Variants in SDF4 observed in about 807,000 individuals in gnomAD.
SDF4 encodes the protein 45 kDa calcium-binding protein.
SDF4 carries 22 observed loss-of-function variants against 34.2 expected under a neutral mutation model. The observed-to-expected ratio is 0.64, with a 90% confidence interval of 0.46 to 0.92. The LOEUF (loss-of-function observed/expected upper bound fraction) is 0.92. Among genes scored for constraint, SDF4 ranks in the 40% least tolerant of loss-of-function variants. SDF4 has a pLI of 0.00. For synonymous variants in SDF4, 236 were observed against 203.1 expected (o/e 1.16, Z -1.38); for missense variants, 447 against 499.9 (o/e 0.89, Z 1.01).
At position 1,217,343 on chromosome 1, in the gene SDF4, T is replaced by C; in HGVS notation, c.*169A>G. The stretch of plus-strand genomic sequence containing the variant: ...CGTCACAGCCAAAGCCCCGCCGGGG[T>C]GCGCGCTGCAGAGGGGACACGCCGC... On this transcript the variant is annotated 3_prime_UTR_variant, in exon 7 of 7. Transcript: ENST00000360001. This position sits in a 1 kb window ranked among gnomAD's most constrained non-coding sequence, Gnocchi z 8.5. 2.4e-6 allele frequency: 1 copy of C among 418,314 alleles called. No individual in the cohort carries two copies. Among genetic ancestry groups the C allele is most frequent in the Non-Finnish European group, 3.7e-6 (1 of 273,084 alleles). 25.9% of individuals were successfully genotyped at this position (418,314 alleles called of 1,614,324 possible). A position where few individuals can be genotyped will look rare whatever the true frequency, so the allele number is the denominator to read the frequency against.
At chr1:1,223,595 A>C (rs74808088) in intron 3 of SDF4, among the ~76,000 whole-genome samples, 17,431 of 152,236 alleles carry the variant, frequency 0.11, 1,139 homozygotes, top group East Asian at 0.17. Context: ...CCCCGAAGAC[A>C]TAAGAGGCGC....
In SDF4 at chr1:1,225,070, CAGG is replaced by C. The variant is rs1235445629; in HGVS notation, c.306-1105_306-1103del. On this transcript the variant is annotated intron_variant, in intron 2 of 6. Transcript: ENST00000360001. ...GACACGGGGCCAGCGCAGGCCAGGT[CAGG>C]AGGCCACAGGCCCCAGGACAGGTCA... is the stretch of plus-strand genomic sequence containing the variant. Among the ~76,000 whole-genome samples, 4 of 152,298 alleles carry C rather than the reference CAGG, an allele frequency of 2.6e-5. No homozygotes were observed. The East Asian group carries it at 7.7e-4, about 29-fold the overall frequency.
intron 2 of SDF4, among the ~76,000 whole-genome samples, chr1:1,224,239 C>T (rs1570484167): frequency 6.6e-6 from 1 of 152,180 alleles, no homozygotes; most frequent in South Asian, 2.1e-4. Flanking sequence ...CACCACCAGA[C>T]CCCACTCTCC....
chr1:1,228,362 G>A, intron 2 of SDF4, 106 bp downstream of exon 2: 1 of 1,278,904 alleles, frequency 7.8e-7, no homozygotes, highest in Non-Finnish European at 1.1e-6. Flanking sequence ...AGCCCGGCAG[G>A]TCCCGACACA....
Position 1,223,250 on chromosome 1 carries a change from C to G in SDF4, c.550G>C (p.Glu184Gln). Reference sequence around the variant, plus strand: ...AGCCTGGCTGAGCACTCACTTTCCTCATCCACTTTGAGTTCCTCGTTGAGC... The same window carrying G: ...AGCCTGGCTGAGCACTCACTTTCCTGATCCACTTTGAGTTCCTCGTTGAGC... ...IRLNEELKVD[E>Q]ETQEVLENLK... The change falls in exon 4 of 7, where the codon GAG becomes CAG. Residue 184 changes from glutamate to glutamine, a missense_variant. By Grantham distance (29) the Glu-to-Gln change is conservative. Coordinates refer to ENST00000360001, the MANE Select transcript of SDF4 (RefSeq NM_016176.6). 1 of 1,611,724 alleles carries G rather than the reference C, an allele frequency of 6.2e-7. No individual in the cohort carries two copies. The highest frequency in any genetic ancestry group is 1.1e-5 in the South Asian group (1 of 91,040).
At chr1:1,228,276 GCT>G (rs1022769601) in intron 2 of SDF4, among the ~76,000 whole-genome samples, 190 bp downstream of exon 2, 3 of 152,244 alleles carry the variant, frequency 2.0e-5, no homozygotes, top group African/African-American at 7.2e-5. Context: ...TCAAGGAGCG[GCT>G]CTGGGCTGCC....
At position 1,217,784 on chromosome 1, in the gene SDF4, C is replaced by G; in HGVS notation, c.892-96G>C. ...GGCTATTTAAGGTGCCTATTGGCTG[C>G]AGCGGGAGTGTGGGCACGTTCTGGA... On this transcript the variant is annotated intron_variant, in intron 6 of 6. Coordinates refer to ENST00000360001, the MANE Select transcript of SDF4 (RefSeq NM_016176.6). This position sits in a 1 kb window ranked among gnomAD's most constrained non-coding sequence, Gnocchi z 8.5. 1 of 1,592,380 alleles carries G rather than the reference C, an allele frequency of 6.3e-7. No individual in the cohort carries two copies. Among genetic ancestry groups the G allele is most frequent in the Non-Finnish European group, 8.5e-7 (1 of 1,170,672 alleles).
Position 1,228,802 on chromosome 1 carries a change from C to G in SDF4, c.-30G>C. 1 of 1,575,234 alleles carries G rather than the reference C, an allele frequency of 6.3e-7. No individual in the cohort carries two copies. Among genetic ancestry groups the G allele is most frequent in the Non-Finnish European group, 8.6e-7 (1 of 1,164,238 alleles). ...ACCCAGGGCCAGACCATGGGGCGGG[C>G]TGCAGGGTGTGGGCCAGGTGCTGGG... On this transcript the variant is annotated 5_prime_UTR_variant, in exon 2 of 7. Transcript: ENST00000360001.
rs1166627346 is a variant in SDF4 at position 1,217,406 on chromosome 1, C to T, written c.*106G>A. ...GCAGCCGCGGTCGGTCGGCCGGTGG[C>T]GGGCGGCAGGGAAGAGGTGGGGTCC... On this transcript the variant is annotated 3_prime_UTR_variant, in exon 7 of 7. Transcript: ENST00000360001. The surrounding 1 kb of genome is among the most constrained non-coding windows in gnomAD (Gnocchi z 8.5). 9 of 1,021,206 alleles carry T rather than the reference C, an allele frequency of 8.8e-6. No individual in the cohort carries two copies. The highest frequency in any genetic ancestry group is 9.3e-5 in the Admixed American group (2 of 21,508). The allele number at this position is 1,021,206 out of a possible 1,614,324, so 63.3% of individuals were successfully genotyped here.
chr1:1,224,170 G>T (rs1225649219), intron 2 of SDF4, among the ~76,000 whole-genome samples: 1 of 152,186 alleles, frequency 6.6e-6, no homozygotes, highest in African/African-American at 2.4e-5. Flanking sequence ...GGGGAAGGTG[G>T]ATGCCACGGT....
In SDF4 at chr1:1,218,289, G is replaced by A. The variant is rs1362344121; in HGVS notation, c.891+169C>T. On this transcript the variant is annotated intron_variant, in intron 6 of 6. Coordinates refer to ENST00000360001, the MANE Select transcript of SDF4 (RefSeq NM_016176.6). This position sits in a 1 kb window ranked among gnomAD's most constrained non-coding sequence, Gnocchi z 7.9. ...CGTCTGAACCTAAACGCCAACAACG[G>A]CCATGCAGCCTGGTGGACACCGCTG... Among the ~76,000 whole-genome samples, 3 of 152,100 alleles carry A rather than the reference G, an allele frequency of 2.0e-5. No homozygotes were observed. Among genetic ancestry groups the A allele is most frequent in the Non-Finnish European group, 4.4e-5 (3 of 68,016 alleles).
rs376719719 is a variant in SDF4, at chr1:1,228,578, G to A, written c.195C>T (p.His65=). ...CCTCCTGGTGGAAGCCGCGATTGAG[G>A]TGCCCGTCCATCTCCAGCTTCACCC... ...LNGVKLEMDG[H]LNRGFHQEVF... Residue 65 remains histidine (H), a synonymous_variant, in exon 2 of 7, where the codon CAC becomes CAT. Transcript: ENST00000360001. 12 of 1,613,184 alleles carry A rather than the reference G, an allele frequency of 7.4e-6. No homozygotes were observed. The highest frequency in any genetic ancestry group is 1.1e-5 in the South Asian group (1 of 91,092).
chr1:1,221,324 G>A lies in SDF4; in HGVS notation c.556+1920C>T, dbSNP rs114553986. ...ACCCCAGGACGGGGGGAGGCCGAGC[G>A]GGTCACTTGAACCCTCTGAAATCCA... On this transcript the variant is annotated intron_variant, in intron 4 of 6. Coordinates refer to ENST00000360001, the MANE Select transcript of SDF4 (RefSeq NM_016176.6). The A allele has an allele frequency of 3.2e-3, 497 of 156,532 alleles. 1 individual carries two copies. Among genetic ancestry groups the A allele is most frequent in the African/African-American group, 0.011 (463 of 41,618 alleles). 9.7% of individuals were successfully genotyped at this position (156,532 alleles called of 1,614,324 possible). A position where few individuals can be genotyped will look rare whatever the true frequency, so the allele number is the denominator to read the frequency against.
In SDF4 at chr1:1,218,669, TG is replaced by T; in HGVS notation, c.716-37del. 4 of 1,612,770 alleles carry T rather than the reference TG, an allele frequency of 2.5e-6. No individual in the cohort carries two copies. The highest frequency in any genetic ancestry group is 3.4e-6 in the Non-Finnish European group (4 of 1,179,476). The stretch of plus-strand genomic sequence containing the variant: ...GGAATGGGTCAGCCCACACCCAGGC[TG>T]GGGCTCCCGCAGGACCTGCCCCGAC... On this transcript the variant is annotated intron_variant, in intron 5 of 6. Coordinates refer to ENST00000360001, the MANE Select transcript of SDF4 (RefSeq NM_016176.6). This position sits in a 1 kb window ranked among gnomAD's most constrained non-coding sequence, Gnocchi z 7.9.
intron 2 of SDF4, 82 bp from the exon 3 acceptor site, chr1:1,224,050 G>A (rs1050874217): frequency 6.3e-7 from 1 of 1,581,396 alleles, no homozygotes. Flanking sequence ...GCCGGCCCAG[G>A]ACTCCATGGC....
At chr1:1,219,806 C>T (rs1649808959) in intron 4 of SDF4, 2 of 985,776 alleles carry the variant, frequency 2.0e-6, no homozygotes, top group East Asian at 1.1e-4. Flanking sequence ...ACACTCAGCC[C>T]CCTGCACGTG....
chr1:1,226,299 A>G (rs1402066357), intron 2 of SDF4, among the ~76,000 whole-genome samples: 2 of 151,916 alleles, frequency 1.3e-5, no homozygotes, highest in African/African-American at 4.8e-5. Context: ...AGGACAGGGC[A>G]CCTCCCCTCT....
chr1:1,223,730 C>G, intron 3 of SDF4, 102 bp downstream of exon 3: 1 of 1,128,684 alleles, frequency 8.9e-7, no homozygotes, highest in South Asian at 1.5e-5. Flanking sequence ...CCCCACCGCC[C>G]GTCCCTCAGA....
chr1:1,223,048 G>A (rs776093988), intron 4 of SDF4, 196 bp downstream of exon 4: 48 of 585,704 alleles, frequency 8.2e-5, no homozygotes, highest in Non-Finnish European at 1.3e-4. Flanking sequence ...CACAGCACAC[G>A]TACACACAAC....
Sources: gnomAD v4.1 joint callset for allele counts (sites outside exome capture counted in the v4.1 genomes callset) on GRCh38, gnomAD v4.1.1 for gene constraint, Gnocchi (gnomAD v3.1) non-coding constraint, MANE v1.5 for transcripts, NCBI Gene and HGNC (gene_info 2026-07-23, HGNC 2026-07-21) for gene names.